Variants in CACHD1 observed in about 807,000 individuals in gnomAD.
CACHD1 encodes VWFA and cache domain-containing protein 1.
CACHD1 carries 71 observed loss-of-function variants against 138.7 expected under a neutral mutation model. That is an observed-to-expected ratio of 0.51 (90% CI 0.42 to 0.62). The LOEUF is 0.62. Ranked by LOEUF, CACHD1 falls within the 20% of genes least tolerant of loss-of-function variation. CACHD1 has a pLI of 0.00. For synonymous variants in CACHD1, 578 were observed against 591.5 expected (o/e 0.98, Z 0.33); for missense variants, 1,389 against 1,625.3 (o/e 0.85, Z 2.50).
intron 1 of CACHD1, among the ~76,000 whole-genome samples, chr1:64,480,418 CATA>C (rs1374488182): frequency 5.3e-5 from 8 of 151,972 alleles, no homozygotes; most frequent in Admixed American, 5.2e-4. Flanking sequence ...GAAAACTTGA[CATA>C]GTAGTATACA....
chr1:64,642,011 C>G, intron 8 of CACHD1, 42 bp downstream of exon 8: 2 of 1,467,136 alleles, frequency 1.4e-6, no homozygotes, highest in Admixed American at 2.5e-5. Context: ...TCAAAGATCC[C>G]TCTAAGTGTA....
At chr1:64,561,592 C>G (rs1646839530) in intron 2 of CACHD1, among the ~76,000 whole-genome samples, 1 of 152,178 alleles carries the variant, frequency 6.6e-6, no homozygotes, top group Admixed American at 6.5e-5. Flanking sequence ...GTAGCTCACA[C>G]TCGTAATCCC....
At chr1:64,564,831 T>TTTTGTA (rs1646868923) in intron 2 of CACHD1, among the ~76,000 whole-genome samples, 1 of 152,168 alleles carries the variant, frequency 6.6e-6, no homozygotes, top group African/African-American at 2.4e-5. Flanking sequence ...TTTGTATTAC[T>TTTTGTA]TTTGTATTTC....
chr1:64,539,110 T>A (rs144753905), intron 1 of CACHD1, among the ~76,000 whole-genome samples: 183 of 152,268 alleles, frequency 1.2e-3, no homozygotes, highest in African/African-American at 4.2e-3. Context: ...TGCTGTTCAT[T>A]TGGTTCTTAG....
intron 1 of CACHD1, among the ~76,000 whole-genome samples, chr1:64,509,405 G>A (rs1646401937): frequency 6.6e-6 from 1 of 152,120 alleles, no homozygotes; most frequent in African/African-American, 2.4e-5. Flanking sequence ...TGATGAAAGA[G>A]CACCATCTTT....
At chr1:64,506,998 A>G (rs1646381851) in intron 1 of CACHD1, among the ~76,000 whole-genome samples, 1 of 152,192 alleles carries the variant, frequency 6.6e-6, no homozygotes, top group Admixed American at 6.5e-5. Context: ...AGGGATTTCA[A>G]CTTATCTGTA....
intron 4 of CACHD1, among the ~76,000 whole-genome samples, chr1:64,614,186 G>A (rs1460409553): frequency 1.3e-5 from 2 of 152,134 alleles, no homozygotes; most frequent in Admixed American, 6.5e-5. Flanking sequence ...CCCTGGCTGG[G>A]CATCTCCCTG....
chr1:64,554,282 T>A (rs1438984908), intron 2 of CACHD1, among the ~76,000 whole-genome samples: 1 of 152,238 alleles, frequency 6.6e-6, no homozygotes, highest in Admixed American at 6.5e-5. Flanking sequence ...ATTGCAGGAA[T>A]TTTATTATCC....
At chr1:64,606,585 T>C (rs546137619) in intron 4 of CACHD1, among the ~76,000 whole-genome samples, 1 of 152,262 alleles carries the variant, frequency 6.6e-6, no homozygotes, top group South Asian at 2.1e-4. Flanking sequence ...GGTAGTTACA[T>C]AGAGAAGTGA....
intron 1 of CACHD1, among the ~76,000 whole-genome samples, chr1:64,478,765 T>C (rs1646191519): frequency 6.6e-6 from 1 of 152,048 alleles, no homozygotes; most frequent in African/African-American, 2.4e-5. Context: ...ATGAATGAAG[T>C]GGACCAGGTG....
chr1:64,566,699 C>CT (rs1394444967), intron 2 of CACHD1, among the ~76,000 whole-genome samples: 120 of 142,186 alleles, frequency 8.4e-4, no homozygotes, highest in Middle Eastern at 7.0e-3. Context: ...TGGTCTATCA[C>CT]TTTTTTTTTT....
chr1:64,656,311 G>A (rs1649259651), intron 12 of CACHD1, among the ~76,000 whole-genome samples: 1 of 152,182 alleles, frequency 6.6e-6, no homozygotes, highest in Non-Finnish European at 1.5e-5. Flanking sequence ...AATTCTCTTA[G>A]CTGACTTATT....
intron 1 of CACHD1, among the ~76,000 whole-genome samples, chr1:64,512,004 CT>C: frequency 6.6e-6 from 1 of 152,254 alleles, no homozygotes; most frequent in East Asian, 1.9e-4. Context: ...TATAAAGTTA[CT>C]GATTGTTATT....
At chr1:64,471,548 C>T (rs865938744) in intron 1 of CACHD1, among the ~76,000 whole-genome samples, 4 of 151,762 alleles carry the variant, frequency 2.6e-5, no homozygotes, top group Non-Finnish European at 5.9e-5. Flanking sequence ...CGCTCCTTTC[C>T]CCTCCCGGGA....
At chr1:64,486,412 ATACACACACACACG>A (rs1646243568) in intron 1 of CACHD1, among the ~76,000 whole-genome samples, 2 of 151,808 alleles carry the variant, frequency 1.3e-5, no homozygotes, top group African/African-American at 4.8e-5. Flanking sequence ...ACACACACAC[ATACACACACACACG>A]TATTCAGATG....
intron 2 of CACHD1, among the ~76,000 whole-genome samples, chr1:64,561,733 C>T (rs1475120630): frequency 2.7e-5 from 4 of 150,578 alleles, no homozygotes; most frequent in Non-Finnish European, 5.9e-5. Flanking sequence ...TGGCACATGC[C>T]TGTAGTCCCA....
At chr1:64,472,085 A>G (rs1005173844) in intron 1 of CACHD1, among the ~76,000 whole-genome samples, 7 of 152,092 alleles carry the variant, frequency 4.6e-5, no homozygotes, top group African/African-American at 1.2e-4. Flanking sequence ...GCGTTCTTGG[A>G]ATAGGTTTCT....
intron 1 of CACHD1, among the ~76,000 whole-genome samples, chr1:64,534,322 G>T (rs572684058): frequency 6.6e-6 from 1 of 152,270 alleles, no homozygotes; most frequent in East Asian, 1.9e-4. Context: ...GGGATTACAG[G>T]TGTGAGCCAC....
Position 64,673,209 on chromosome 1 carries a change from C to G in CACHD1, c.2562C>G (p.Ile854Met). 1 of 1,613,924 alleles carries G rather than the reference C, an allele frequency of 6.2e-7. No individual in the cohort carries two copies. Among genetic ancestry groups the G allele is most frequent in the Non-Finnish European group, 8.5e-7 (1 of 1,179,980 alleles). The change falls in exon 18 of 27, where the codon ATC (isoleucine) becomes ATG (methionine). Residue 854 changes from isoleucine (I) to methionine (M), a missense_variant. Transcript: ENST00000651257. ...RGYLVAHPTL[I>M]DPKGHAPVEQ... is the part of the protein sequence containing the mutation. ...ATCTGGTGGCGCACCCGACTCTCAT[C>G]GACCCCAAAGGACATGCACCTGTGG...
Sources: gnomAD v4.1 joint callset for allele counts (sites outside exome capture counted in the v4.1 genomes callset) on GRCh38, gnomAD v4.1.1 for gene constraint, MANE v1.5 for transcripts, NCBI Gene and HGNC (gene_info 2026-07-23, HGNC 2026-07-21) for gene names.